The following RS1 variants were observed in gnomAD, a reference collection of about 807,000 sequenced individuals.
RS1 encodes retinoschisin.
Under a neutral mutation model 20.8 loss-of-function variants are expected in RS1, and 2 were observed. The ratio of observed to expected loss-of-function variants is 0.10; its 90% confidence interval spans 0.04 to 0.30. The LOEUF is 0.30. Ranked by LOEUF, RS1 falls within the 10% of genes least tolerant of loss-of-function variation. The pLI, the probability that RS1 is intolerant of heterozygous loss-of-function variation, is 1.00. For synonymous variants in RS1, 70 were observed against 75.8 expected (o/e 0.92, Z 0.40); for missense variants, 151 against 189.8 (o/e 0.80, Z 1.20).
At chrX:18,647,591 C>T in intron 3 of RS1, 1 of 382,481 alleles carries the variant, frequency 2.6e-6, no homozygotes, top group African/African-American at 2.5e-5. Context: ...GGCTCTATGG[C>T]AACTTCACAA....
rs281865360 is a variant in RS1, at chrX:18,642,058, G to C, written c.621C>G (p.His207Gln). Residue 207 changes from histidine to glutamine, a missense_variant, in exon 6 of 6, where the codon CAC becomes CAG. Transcript: ENST00000379984. Reference protein sequence around the residue: ...RFIRLIPLGWHVRIAIRMELL... With the variant: ...RFIRLIPLGWQVRIAIRMELL... Reference sequence around the variant, plus strand: ...GCTCCATCCGGATGGCAATGCGGACGTGCCAGCCCAGCGGGATGAGGCGGA... The same window carrying C: ...GCTCCATCCGGATGGCAATGCGGACCTGCCAGCCCAGCGGGATGAGGCGGA... 1 of 1,211,645 alleles carries C rather than the reference G, an allele frequency of 8.3e-7. No individual in the cohort carries two copies. Among genetic ancestry groups the C allele is most frequent in the Non-Finnish European group, 1.1e-6 (1 of 895,450 alleles).
chrX:18,652,556 C>A (rs917879442), intron 3 of RS1, among the ~76,000 whole-genome samples: 2 of 111,519 alleles, frequency 1.8e-5, no homozygotes, highest in Non-Finnish European at 3.8e-5. Context: ...GTAATCCCAG[C>A]TACTTGGGAG....
chrX:18,668,998 C>G (rs1392691586), intron 1 of RS1, among the ~76,000 whole-genome samples: 1 of 111,954 alleles, frequency 8.9e-6, no homozygotes. Flanking sequence ...AATAAAACTG[C>G]TTTAAAAAAA....
chrX:18,649,811 C>T (rs1443436237), intron 3 of RS1, among the ~76,000 whole-genome samples: 3 of 112,014 alleles, frequency 2.7e-5, no homozygotes, highest in Non-Finnish European at 3.8e-5. Context: ...CTCCCCCACC[C>T]GCGACACCCC....
intron 2 of RS1, 118 bp downstream of exon 2, chrX:18,657,522 C>G (rs886178658): frequency 3.2e-6 from 2 of 622,722 alleles, no homozygotes; most frequent in African/African-American, 4.4e-5. Flanking sequence ...CATGCCCAGC[C>G]AAAATATATT....
At chrX:18,661,810 C>A (rs1928314827) in intron 1 of RS1, among the ~76,000 whole-genome samples, 1 of 112,582 alleles carries the variant, frequency 8.9e-6, no homozygotes, top group Admixed American at 9.4e-5. Flanking sequence ...GCACGTCCAG[C>A]CACTTGTGTC....
At chrX:18,650,349 G>A in intron 3 of RS1, 1 of 1,112,901 alleles carries the variant, frequency 9.0e-7, no homozygotes, top group Non-Finnish European at 1.2e-6. Context: ...TGGTGTCTGG[G>A]AGCCGATGCC....
chrX:18,654,223 T>TGGCTCACTGCAGCCTCAACCTCCAG (rs1928169923), intron 3 of RS1, among the ~76,000 whole-genome samples: 1 of 104,552 alleles, frequency 9.6e-6, no homozygotes, highest in African/African-American at 3.5e-5. Context: ...GATACGACTA[T>TGGCTCACTGCAGCCTCAACCTCCAG]GGCTCACTGC....
At chrX:18,645,402 G>C (rs1246232942) in intron 4 of RS1, among the ~76,000 whole-genome samples, 3 of 110,522 alleles carry the variant, frequency 2.7e-5, no homozygotes, top group African/African-American at 9.9e-5. Flanking sequence ...CAGCATCTCA[G>C]ATGAAACACG....
chrX:18,648,888 G>T (rs1379583510), intron 3 of RS1, among the ~76,000 whole-genome samples: 1 of 109,639 alleles, frequency 9.1e-6, no homozygotes, highest in East Asian at 2.9e-4. Context: ...ACCAGCCTGG[G>T]GCAACATAGG....
In RS1 at chrX:18,655,659, A is replaced by G. The variant is rs771168177; in HGVS notation, c.184+994T>C. 2.7e-5 allele frequency among the ~76,000 whole-genome samples: 3 copies of G among 111,971 alleles called. No individual in the cohort carries two copies. The South Asian group carries it at 1.1e-3, about 42-fold the overall frequency. The stretch of plus-strand genomic sequence containing the variant: ...GGTGGCTTCACAGCAGGAAAGGGAG[A>G]GCTGAAGAGTTGAGTGCCAGCCCTT... On this transcript the variant is annotated intron_variant, in intron 3 of 5. Coordinates refer to ENST00000379984, the MANE Select transcript of RS1 (RefSeq NM_000330.4).
At chrX:18,648,940 G>C (rs745527450) in intron 3 of RS1, among the ~76,000 whole-genome samples, 2 of 108,634 alleles carry the variant, frequency 1.8e-5, no homozygotes, top group East Asian at 5.8e-4. Flanking sequence ...CCCAGCTACC[G>C]GGGAGGCTGA....
At chrX:18,646,782 C>T (rs943290626) in intron 4 of RS1, among the ~76,000 whole-genome samples, 2 of 111,849 alleles carry the variant, frequency 1.8e-5, no homozygotes, top group Non-Finnish European at 3.8e-5. Flanking sequence ...CCTCACCTGG[C>T]CAACTTCAAG....
chrX:18,642,791 G>A (rs1368321305), intron 5 of RS1, among the ~76,000 whole-genome samples: 2 of 110,771 alleles, frequency 1.8e-5, no homozygotes, highest in East Asian at 2.8e-4. Context: ...TGTAATCCCA[G>A]CACTTTGGGA....
At chrX:18,644,297 G>C in intron 5 of RS1, 133 bp downstream of exon 5, 1 of 598,745 alleles carries the variant, frequency 1.7e-6, no homozygotes, top group South Asian at 2.3e-5. Flanking sequence ...AGCACATTGT[G>C]GGGGAAAGCG....
chrX:18,654,929 C>T (rs1928185228), intron 3 of RS1, among the ~76,000 whole-genome samples: 1 of 112,104 alleles, frequency 8.9e-6, no homozygotes, highest in African/African-American at 3.2e-5. Flanking sequence ...ACACACAAAC[C>T]TGTCTCTTGT....
At chrX:18,651,264 TGAGAGAGAGA>T (rs1191836877) in intron 3 of RS1, among the ~76,000 whole-genome samples, 16 of 69,007 alleles carry the variant, frequency 2.3e-4, no homozygotes, top group Admixed American at 1.9e-3. Context: ...TGTGTGTGTG[TGAGAGAGAGA>T]GAGAGAGAGA....
At chrX:18,667,755 G>C (rs186632429) in intron 1 of RS1, among the ~76,000 whole-genome samples, 78 of 110,750 alleles carry the variant, frequency 7.0e-4, no homozygotes, top group Non-Finnish European at 1.4e-3. Flanking sequence ...CCAATTCCTG[G>C]GTGCAATCCA....
intron 1 of RS1, among the ~76,000 whole-genome samples, chrX:18,671,454 A>G (rs1208197538): frequency 8.9e-6 from 1 of 112,017 alleles, no homozygotes; most frequent in Non-Finnish European, 1.9e-5. Context: ...AAATTTTAAA[A>G]TGAGTGAGTG....
Sources: gnomAD v4.1 joint callset for allele counts (sites outside exome capture counted in the v4.1 genomes callset) on GRCh38, gnomAD v4.1.1 for gene constraint, MANE v1.5 for transcripts, NCBI Gene and HGNC (gene_info 2026-07-23, HGNC 2026-07-21) for gene names.